ELMO1: variants seen among roughly 807,000 people sequenced by gnomAD.
ELMO1 encodes engulfment and cell motility protein 1.
ELMO1 carries 26 observed loss-of-function variants against 98.9 expected under a neutral mutation model. The observed-to-expected ratio is 0.26, with a 90% CI of 0.19 to 0.36. The LOEUF (loss-of-function observed/expected upper bound fraction) is 0.36. ELMO1 is among the 10% of genes least tolerant of loss of function. The probability of loss-of-function intolerance (pLI) is 1.00; values close to 1 mark genes in which losing one functional copy is unlikely to be tolerated. For synonymous variants in ELMO1, 346 were observed against 346.0 expected, an observed-to-expected ratio of 1.00 and a Z score of 0.00; for missense variants, 627 against 935.2, an observed-to-expected ratio of 0.67 and a Z score of 4.30.
intron 15 of ELMO1, among the ~76,000 whole-genome samples, chr7:37,096,393 T>C (rs1247318491): frequency 1.3e-5 from 2 of 152,182 alleles, no homozygotes; most frequent in African/African-American, 4.8e-5. Context: ...GCCACAATGA[T>C]CTGCAAATTT....
At chr7:37,440,606 T>C (rs918398676) in intron 1 of ELMO1, among the ~76,000 whole-genome samples, 5 of 151,610 alleles carry the variant, frequency 3.3e-5, no homozygotes, top group African/African-American at 9.7e-5. Flanking sequence ...CCATCTCTAA[T>C]AAAAATACAA....
At chr7:37,200,035 G>A (rs1792196543) in intron 13 of ELMO1, among the ~76,000 whole-genome samples, 1 of 152,094 alleles carries the variant, frequency 6.6e-6, no homozygotes, top group South Asian at 2.1e-4. Context: ...GCTTTCCAAA[G>A]CTAACCTTTT....
chr7:37,197,577 T>A (rs1792042821), intron 13 of ELMO1, among the ~76,000 whole-genome samples: 1 of 152,168 alleles, frequency 6.6e-6, no homozygotes, highest in South Asian at 2.1e-4. Context: ...GCACACTGTC[T>A]CAGGAGAAAG....
chr7:37,260,990 T>C (rs188877542), intron 5 of ELMO1, among the ~76,000 whole-genome samples: 5 of 152,388 alleles, frequency 3.3e-5, no homozygotes, highest in South Asian at 2.1e-4. Flanking sequence ...TTCAAATTCC[T>C]TGAAAAGTGT....
chr7:36,985,906 G>T, intron 16 of ELMO1: 5 of 1,002,360 alleles, frequency 5.0e-6, no homozygotes, highest in Non-Finnish European at 6.0e-6. Context: ...ACATGTGTGA[G>T]ACGGAGGTTT....
intron 13 of ELMO1, among the ~76,000 whole-genome samples, chr7:37,169,658 C>T (rs1377592684): frequency 6.6e-6 from 1 of 152,178 alleles, no homozygotes; most frequent in African/African-American, 2.4e-5. Context: ...TTTCTTTTTA[C>T]ATTTTCACTT....
At chr7:37,012,931 C>T (rs1364911393) in intron 16 of ELMO1, among the ~76,000 whole-genome samples, 1 of 152,166 alleles carries the variant, frequency 6.6e-6, no homozygotes, top group Non-Finnish European at 1.5e-5. Context: ...ATCTCCTGGA[C>T]AGGTGGAGGG....
At chr7:37,337,127 A>G (rs1800456359) in intron 2 of ELMO1, among the ~76,000 whole-genome samples, 1 of 152,228 alleles carries the variant, frequency 6.6e-6, no homozygotes, top group Admixed American at 6.5e-5. Context: ...ACTATTCACA[A>G]TAGCAAAGAC....
At chr7:37,113,147 G>C (rs1035582) in intron 14 of ELMO1, among the ~76,000 whole-genome samples, 2 of 152,210 alleles carry the variant, frequency 1.3e-5, no homozygotes, top group African/African-American at 4.8e-5. Flanking sequence ...GTTCCAGATA[G>C]AGATCTACTT....
At chr7:37,157,130 A>T (rs1017851841) in intron 13 of ELMO1, among the ~76,000 whole-genome samples, 1 of 152,240 alleles carries the variant, frequency 6.6e-6, no homozygotes, top group African/African-American at 2.4e-5. Context: ...TCATGCTAAA[A>T]ACTCTCAATA....
At chr7:37,227,293 C>T (rs1168346242) in intron 8 of ELMO1, among the ~76,000 whole-genome samples, 2 of 152,296 alleles carry the variant, frequency 1.3e-5, no homozygotes, top group Non-Finnish European at 2.9e-5. Flanking sequence ...TGGAAATTTA[C>T]CCCCTGAATT....
rs746303700 is a variant in ELMO1, at chr7:36,878,104, A to G, written c.1728T>C (p.Tyr576=). The change falls in exon 19 of 22, where the codon TAT becomes TAC. Residue 576 remains tyrosine (Y), a synonymous_variant. Coordinates refer to ENST00000310758, the MANE Select transcript of ELMO1 (RefSeq NM_014800.11). ...NARRRQDKFW[Y]CRLSPNHKVL... Reference sequence around the variant, plus strand: ...CTTTGTGATTTGGCGAAAGCCGACAATACCAAAACTTGTCTGAGAGAAAAA... The same window carrying G: ...CTTTGTGATTTGGCGAAAGCCGACAGTACCAAAACTTGTCTGAGAGAAAAA... 1.9e-6 allele frequency: 3 copies of G among 1,613,926 alleles called. No homozygotes were observed. The African/African-American group carries it at 4.0e-5, about 22-fold the overall frequency.
chr7:37,376,808 G>A (rs77468857), intron 1 of ELMO1, among the ~76,000 whole-genome samples: 12,464 of 152,190 alleles, frequency 0.082, 601 homozygotes, highest in South Asian at 0.17. Flanking sequence ...CAACACCACC[G>A]TCTCAGCGTT....
chr7:37,292,272 T>G (rs1797733850), intron 4 of ELMO1, among the ~76,000 whole-genome samples: 1 of 86,744 alleles, frequency 1.2e-5, no homozygotes, highest in Non-Finnish European at 2.9e-5. Context: ...CAGGCTGGAG[T>G]GCAGTGGCGT....
chr7:37,155,392 T>C (rs1283899593), intron 13 of ELMO1, among the ~76,000 whole-genome samples: 2 of 151,456 alleles, frequency 1.3e-5, no homozygotes, highest in South Asian at 2.1e-4. Flanking sequence ...TCAAGACCTA[T>C]TGGTATGCTG....
At chr7:37,173,382 T>A (rs1790299161) in intron 13 of ELMO1, among the ~76,000 whole-genome samples, 1 of 152,158 alleles carries the variant, frequency 6.6e-6, no homozygotes, top group African/African-American at 2.4e-5. Context: ...GTCACAGAGA[T>A]CCCCACTGAT....
intron 13 of ELMO1, among the ~76,000 whole-genome samples, chr7:37,207,580 C>G (rs373843568): frequency 6.6e-5 from 10 of 152,250 alleles, no homozygotes; most frequent in Middle Eastern, 6.8e-3. Context: ...TCCCAGACAA[C>G]TCTGTCTCTT....
At position 36,993,141 on chromosome 7, in the gene ELMO1, T is replaced by C. The variant is rs560428953; in HGVS notation, c.1437+20158A>G. On this transcript the variant is annotated intron_variant, in intron 16 of 21. Coordinates refer to ENST00000310758, the MANE Select transcript of ELMO1 (RefSeq NM_014800.11). ...GCAGTCAATTCCAGGGAGGTCATGT[T>C]CTGAAGGGGGTGGACAAAGCAGAGA... Among the ~76,000 whole-genome samples, 9 of 152,174 alleles carry C rather than the reference T, an allele frequency of 5.9e-5. No homozygotes were observed. The East Asian group carries it at 1.7e-3, about 29-fold the overall frequency.
rs558129035 is a variant in ELMO1 at position 36,856,572 on chromosome 7, G to GA, written c.1984-822dup. 1.9e-3 allele frequency among the ~76,000 whole-genome samples: 294 copies of GA among 152,262 alleles called. 1 individual carries two copies. Among genetic ancestry groups the GA allele is most frequent in the Non-Finnish European group, 3.3e-3 (224 of 68,020 alleles). Reference sequence around the variant, plus strand: ...CTTTCATAGCCTTTTGTCTCTCCAGGAGACTATGATCTCTGTGAGGGAGAA... The same window carrying GA: ...CTTTCATAGCCTTTTGTCTCTCCAGGAAGACTATGATCTCTGTGAGGGAGAA... On this transcript the variant is annotated intron_variant, in intron 21 of 21. Transcript: ENST00000310758.
Sources: allele counts gnomAD v4.1 joint callset (sites outside exome capture counted in the v4.1 genomes callset), GRCh38; gene constraint gnomAD v4.1.1; transcripts MANE v1.5; gene names NCBI Gene and HGNC (gene_info 2026-07-23, HGNC 2026-07-21).